TGFBRAP1: variants seen among roughly 807,000 people sequenced by gnomAD.
The protein encoded by TGFBRAP1 is transforming growth factor-beta receptor-associated protein 1.
In TGFBRAP1, 20 loss-of-function variants were observed where a neutral mutation model predicts 83.2. The ratio of observed to expected loss-of-function variants is 0.24; its 90% confidence interval spans 0.17 to 0.35. TGFBRAP1 has a LOEUF of 0.35. Among genes scored for constraint, TGFBRAP1 ranks in the 10% least tolerant of loss-of-function variants. The pLI is 1.00. For missense variants in TGFBRAP1, 950 were observed against 1,099.4 expected (o/e 0.86, Z 1.92); for synonymous variants, 415 against 459.8 (o/e 0.90, Z 1.25).
rs1026909326 is a variant in TGFBRAP1 at position 105,307,627 on chromosome 2, G to A, written c.675C>T (p.Gly225=). 2 of 1,610,990 alleles carry A rather than the reference G, an allele frequency of 1.2e-6. No homozygotes were observed. Among genetic ancestry groups the A allele is most frequent in the South Asian group, 1.1e-5 (1 of 90,834 alleles). The part of the protein sequence containing the change: ...RIGRQEFLLA[G]PGGLGMFATV... Reference sequence around the variant, plus strand: ...CATCCTCCTCACCCAGCCCTCCGGGGCCCGCCAGCAGGAACTCCTGTCTCC... The same window carrying A: ...CATCCTCCTCACCCAGCCCTCCGGGACCCGCCAGCAGGAACTCCTGTCTCC... Residue 225 remains glycine, a synonymous_variant, in exon 2 of 12, where the codon GGC becomes GGT. Transcript: ENST00000393359.
chr2:105,289,434 C>T (rs1480508838), intron 4 of TGFBRAP1, among the ~76,000 whole-genome samples: 1 of 152,246 alleles, frequency 6.6e-6, no homozygotes, highest in East Asian at 1.9e-4. Flanking sequence ...TGAGCCCTCT[C>T]ATTCCTGTCC....
intron 4 of TGFBRAP1, among the ~76,000 whole-genome samples, chr2:105,290,497 A>C (rs1349683088): frequency 6.6e-6 from 1 of 152,024 alleles, no homozygotes; most frequent in African/African-American, 2.4e-5. Context: ...GCAAACTATA[A>C]ATATTTTTCC....
intron 8 of TGFBRAP1, 40 bp downstream of exon 8, chr2:105,275,520 T>C: frequency 6.2e-7 from 1 of 1,607,610 alleles, no homozygotes. Context: ...TTTTACCACC[T>C]CCCCCAACCA....
At chr2:105,314,670 AG>A (rs1678796531) in intron 1 of TGFBRAP1, among the ~76,000 whole-genome samples, 1 of 151,960 alleles carries the variant, frequency 6.6e-6, no homozygotes, top group Non-Finnish European at 1.5e-5. Flanking sequence ...GAAAACAGGC[AG>A]GGTTTGGTGT....
At chr2:105,301,032 TG>T (rs1290147809) in intron 2 of TGFBRAP1, among the ~76,000 whole-genome samples, 1 of 152,040 alleles carries the variant, frequency 6.6e-6, no homozygotes, top group Non-Finnish European at 1.5e-5. Flanking sequence ...AAGACCAGCC[TG>T]GGCCATGTGG....
Position 105,298,642 on chromosome 2 carries a change from A to G in TGFBRAP1, c.752T>C (p.Ile251Thr). 6.2e-7 allele frequency: 1 copy of G among 1,613,932 alleles called. No individual in the cohort carries two copies. Among genetic ancestry groups the G allele is most frequent in the Non-Finnish European group, 8.5e-7 (1 of 1,179,898 alleles). ...RAPVHWSENVIGAAVSFPYVI... is the reference protein window; with the variant it reads ...RAPVHWSENVTGAAVSFPYVI... Reference sequence around the variant, plus strand: ...GTATGGAAAGGACACAGCCGCCCCAATCACATTCTCCGACCAGTGCACGGG... The same window carrying G: ...GTATGGAAAGGACACAGCCGCCCCAGTCACATTCTCCGACCAGTGCACGGG... The change falls in exon 3 of 12, where the codon ATT becomes ACT. Residue 251 changes from isoleucine (I) to threonine (T), a missense_variant. Physicochemically the swap from Ile to Thr is moderately conservative, Grantham distance 89. Transcript: ENST00000393359.
intron 6 of TGFBRAP1, among the ~76,000 whole-genome samples, chr2:105,279,763 C>T (rs1326268774): frequency 1.3e-5 from 2 of 152,094 alleles, no homozygotes; most frequent in African/African-American, 2.4e-5. Context: ...CATGGCTGGG[C>T]GCAGTGGCTC....
rs1676863003 is a variant in TGFBRAP1, at chr2:105,264,697, C to T, written c.*2686G>A. The T allele has an allele frequency of 6.6e-6, 1 of 152,272 alleles. No individual in the cohort carries two copies. The highest frequency in any genetic ancestry group is 1.5e-5 in the Non-Finnish European group (1 of 68,062). 9.4% of individuals were successfully genotyped at this position (152,272 alleles called of 1,614,324 possible). On this transcript the variant is annotated 3_prime_UTR_variant, in exon 12 of 12. Coordinates refer to ENST00000393359, the MANE Select transcript of TGFBRAP1 (RefSeq NM_004257.6). ...TAAGCACGCGTCAGTGAGAGCGTCGCAGTTGAACTCAGCCCAGTGCAACGC... is the reference window on the plus strand; with the variant it reads ...TAAGCACGCGTCAGTGAGAGCGTCGTAGTTGAACTCAGCCCAGTGCAACGC...
At chr2:105,253,282 G>A in the TGFBRAP1 span, among the ~76,000 whole-genome samples, 1 of 152,120 alleles carries the variant, frequency 6.6e-6, no homozygotes, top group African/African-American at 2.4e-5. Context: ...ACAGGCATGT[G>A]CCATGACACC....
chr2:105,308,592 C>G (rs1490569024), intron 1 of TGFBRAP1, among the ~76,000 whole-genome samples: 1 of 152,094 alleles, frequency 6.6e-6, no homozygotes, highest in East Asian at 1.9e-4. Context: ...AGTCCCCACA[C>G]AGAGTCACCT....
chr2:105,299,965 G>C (rs1028203667), intron 2 of TGFBRAP1, among the ~76,000 whole-genome samples: 1 of 152,190 alleles, frequency 6.6e-6, no homozygotes, highest in Non-Finnish European at 1.5e-5. Context: ...TGTTTCTGTA[G>C]TGCTGCAGGA....
At chr2:105,303,323 G>A (rs1307881238) in intron 2 of TGFBRAP1, among the ~76,000 whole-genome samples, 1 of 152,160 alleles carries the variant, frequency 6.6e-6, no homozygotes, top group African/African-American at 2.4e-5. Context: ...TGAAAGAAGG[G>A]CCTAGAAACA....
intron 1 of TGFBRAP1, among the ~76,000 whole-genome samples, chr2:105,316,469 G>GCA (rs1414333958): frequency 3.0e-5 from 2 of 67,046 alleles, no homozygotes; most frequent in Non-Finnish European, 7.1e-5. Flanking sequence ...GTGTGCGCGC[G>GCA]CGCGCGCGCG....
At position 105,269,400 on chromosome 2, in the gene TGFBRAP1, T is replaced by C. The variant is rs1223397706; in HGVS notation, c.2278A>G (p.Thr760Ala). 2 of 1,613,794 alleles carry C rather than the reference T, an allele frequency of 1.2e-6. No individual in the cohort carries two copies. Among genetic ancestry groups the C allele is most frequent in the Admixed American group, 1.7e-5 (1 of 59,994 alleles). Residue 760 changes from threonine (T) to alanine (A), a missense_variant, in exon 11 of 12, where the codon ACC (threonine) becomes GCC (alanine). Thr to Ala is a moderately conservative substitution (Grantham distance 58, BLOSUM62 0). Coordinates refer to ENST00000393359, the MANE Select transcript of TGFBRAP1 (RefSeq NM_004257.6). This position sits in a 1 kb window ranked among gnomAD's most constrained non-coding sequence, Gnocchi z 4.1. ...GGGCAGAGGAGCTGCACTGACCAGG[T>C]GTCAGGCAGCATCTGCAGCACCTGG... ...AAQVLQMLPDTWSVQLLCPFL... is the reference protein window; with the variant it reads ...AAQVLQMLPDAWSVQLLCPFL...
At chr2:105,290,440 C>T (rs964554531) in intron 4 of TGFBRAP1, among the ~76,000 whole-genome samples, 1 of 151,884 alleles carries the variant, frequency 6.6e-6, no homozygotes, top group African/African-American at 2.4e-5. Flanking sequence ...TTCATATAGC[C>T]CAAGGAATTC....
chr2:105,294,893 G>T (rs1190697292), intron 4 of TGFBRAP1, among the ~76,000 whole-genome samples: 1 of 149,332 alleles, frequency 6.7e-6, no homozygotes, highest in Non-Finnish European at 1.5e-5. Flanking sequence ...AGTGGCAGCT[G>T]GAAAACCTTG....
chr2:105,321,176 T>G (rs1975293), intron 1 of TGFBRAP1, among the ~76,000 whole-genome samples: 15 of 151,964 alleles, frequency 9.9e-5, no homozygotes, highest in African/African-American at 3.6e-4. Context: ...TTATTTTTTT[T>G]TTTTTTGAGA....
At chr2:105,306,061 G>GTTTTTTTTTTTTT (rs67017916) in intron 2 of TGFBRAP1, among the ~76,000 whole-genome samples, 4 of 74,896 alleles carry the variant, frequency 5.3e-5, no homozygotes, top group African/African-American at 9.4e-5. Flanking sequence ...TTTGTTTTTT[G>GTTTTTTTTTTTTT]TTTTTTGTTT....
At chr2:105,313,112 C>CA (rs527836513) in intron 1 of TGFBRAP1, among the ~76,000 whole-genome samples, 23 of 147,668 alleles carry the variant, frequency 1.6e-4, no homozygotes, top group Middle Eastern at 3.4e-3. Context: ...AACTCTGTCT[C>CA]AAAAAAAAAA....
Sources: allele counts gnomAD v4.1 joint callset (sites outside exome capture counted in the v4.1 genomes callset), GRCh38; gene constraint gnomAD v4.1.1; non-coding constraint Gnocchi (gnomAD v3.1); transcripts MANE v1.5; gene names NCBI Gene and HGNC (gene_info 2026-07-23, HGNC 2026-07-21).